Variants in WDR72 observed in about 807,000 individuals in gnomAD.
WDR72 encodes the protein WD repeat-containing protein 72.
Under a neutral mutation model 124.2 loss-of-function variants are expected in WDR72, and 120 were observed. The ratio of observed to expected loss-of-function variants is 0.97; its 90% confidence interval spans 0.83 to 1.12. The LOEUF is 1.12. Ranked by LOEUF, WDR72 falls within the 50% of genes most tolerant of loss-of-function variation. The probability of loss-of-function intolerance (pLI) is 0.00; values close to 1 mark genes in which losing one functional copy is unlikely to be tolerated. For missense variants in WDR72, 1,387 were observed against 1,278.8 expected, an observed-to-expected ratio of 1.08 and a Z score of -1.29; for synonymous variants, 452 against 441.7, an observed-to-expected ratio of 1.02 and a Z score of -0.29.
At chr15:53,740,608 T>C (rs1224649759) in intron 1 of WDR72, among the ~76,000 whole-genome samples, 1 of 152,254 alleles carries the variant, frequency 6.6e-6, no homozygotes, top group Non-Finnish European at 1.5e-5. Flanking sequence ...TTGATGCTTC[T>C]TCCTTCTACA....
chr15:53,597,358 T>C, intron 17 of WDR72, 84 bp from the exon 18 acceptor site: 4 of 1,387,182 alleles, frequency 2.9e-6, no homozygotes, highest in Non-Finnish European at 4.0e-6. Flanking sequence ...AGCCCGGAAT[T>C]TAAATTTGAA....
At chr15:53,677,466 A>ACTCAAAT (rs2016215080) in intron 13 of WDR72, among the ~76,000 whole-genome samples, 1 of 152,064 alleles carries the variant, frequency 6.6e-6, no homozygotes, top group Admixed American at 6.5e-5. Flanking sequence ...CTCTGTCCCC[A>ACTCAAAT]CTCAAATCTC....
At chr15:53,608,027 G>A (rs528531212) in intron 17 of WDR72, among the ~76,000 whole-genome samples, 53 of 152,230 alleles carry the variant, frequency 3.5e-4, no homozygotes, top group Middle Eastern at 3.4e-3. Context: ...GTGAGGATGT[G>A]GAGAAAAGAA....
rs1011012566 is a variant in WDR72, at chr15:53,516,036, G to A, written c.*1663C>T. On this transcript the variant is annotated 3_prime_UTR_variant, in exon 20 of 20. Transcript: ENST00000360509. ...AACAAGCAAGAAAATATAATCCATC[G>A]CCTAACTTGCTACCTTCCTTTATTT... is the stretch of plus-strand genomic sequence containing the variant. 7.2e-5 allele frequency: 11 copies of A among 151,908 alleles called. No individual in the cohort carries two copies. The highest frequency in any genetic ancestry group is 2.2e-4 in the African/African-American group (9 of 41,346). 9.4% of individuals were successfully genotyped at this position (151,908 alleles called of 1,614,324 possible). A position where few individuals can be genotyped will look rare whatever the true frequency, so the allele number is the denominator to read the frequency against.
chr15:53,675,036 T>C (rs759860761), intron 13 of WDR72, among the ~76,000 whole-genome samples: 7 of 152,182 alleles, frequency 4.6e-5, no homozygotes, highest in Non-Finnish European at 1.0e-4. Context: ...CATTTTAAAC[T>C]AGGGTTTTCT....
Position 53,691,600 on chromosome 15 carries a change from T to TAGAC in WDR72, c.1765+8146_1765+8149dup, listed in dbSNP as rs140193304. Among the ~76,000 whole-genome samples, 651 of 137,436 alleles carry TAGAC rather than the reference T, an allele frequency of 4.7e-3. 5 individuals are homozygous for TAGAC. The highest frequency in any genetic ancestry group is 0.011 in the South Asian group (46 of 4,288). The allele number at this position is 137,436 out of a possible 152,430, so 90.2% of individuals were successfully genotyped here. Reference sequence around the variant, plus strand: ...TTATTACAGCAAACATGTAAAATGATAGACAGACAGACAGACAGACAGATA... The same window carrying TAGAC: ...TTATTACAGCAAACATGTAAAATGATAGACAGACAGACAGACAGACAGACAGATA... On this transcript the variant is annotated intron_variant, in intron 13 of 19. Transcript: ENST00000360509.
chr15:53,518,932 A>G (rs1246733534), intron 19 of WDR72, among the ~76,000 whole-genome samples: 2 of 151,968 alleles, frequency 1.3e-5, no homozygotes, highest in African/African-American at 4.8e-5. Flanking sequence ...AAAATGTTCT[A>G]TTAATGGCAG....
At chr15:53,554,262 T>C (rs1008691834) in intron 18 of WDR72, among the ~76,000 whole-genome samples, 2 of 152,140 alleles carry the variant, frequency 1.3e-5, no homozygotes, top group African/African-American at 2.4e-5. Context: ...TTGTCTCTAC[T>C]TGTAGTAATA....
At position 53,516,420 on chromosome 15, in the gene WDR72, C is replaced by G. The variant is rs3206108; in HGVS notation, c.*1279G>C. ...CTGCATCCCAGCATAAGACCTGAGG[C>G]TGGTCCCATGCTCAAAAATGTTTCT... On this transcript the variant is annotated 3_prime_UTR_variant, in exon 20 of 20. Transcript: ENST00000360509. 25,806 of 152,032 alleles carry G rather than the reference C, an allele frequency of 0.17. 2,500 individuals carry two copies. Among genetic ancestry groups the G allele is most frequent in the Middle Eastern group, 0.23 (69 of 294 alleles). 9.4% of individuals were successfully genotyped at this position (152,032 alleles called of 1,614,324 possible).
At chr15:53,560,186 T>C (rs1894078550) in intron 18 of WDR72, among the ~76,000 whole-genome samples, 1 of 151,796 alleles carries the variant, frequency 6.6e-6, no homozygotes, top group Non-Finnish European at 1.5e-5. Context: ...TTCTGCAAAA[T>C]AAAGTGAAGG....
chr15:53,597,703 A>G (rs891097741), intron 17 of WDR72, among the ~76,000 whole-genome samples: 1 of 152,156 alleles, frequency 6.6e-6, no homozygotes, highest in Non-Finnish European at 1.5e-5. Flanking sequence ...CTGCATTTAA[A>G]CTATGCTTTA....
At chr15:53,631,227 G>A (rs112699933) in intron 14 of WDR72, among the ~76,000 whole-genome samples, 2,056 of 152,192 alleles carry the variant, frequency 0.014, 47 homozygotes, top group African/African-American at 0.047. Flanking sequence ...TATAAAAAGT[G>A]TGTGGCATTC....
At chr15:53,639,539 T>C (rs56195724) in intron 14 of WDR72, among the ~76,000 whole-genome samples, 11,516 of 142,716 alleles carry the variant, frequency 0.081, 1,499 homozygotes, top group African/African-American at 0.27. Flanking sequence ...TAAAATTATA[T>C]ATAATTTTAT....
intron 18 of WDR72, among the ~76,000 whole-genome samples, chr15:53,533,975 C>T (rs1287527507): frequency 6.6e-6 from 1 of 151,992 alleles, no homozygotes; most frequent in Admixed American, 6.6e-5. Flanking sequence ...TTCTGACTAC[C>T]CCACTGGGGT....
At chr15:53,718,835 A>ACCTTAAGAT (rs58570472) in intron 3 of WDR72, among the ~76,000 whole-genome samples, 1 of 150,582 alleles carries the variant, frequency 6.6e-6, no homozygotes, top group African/African-American at 2.5e-5. Flanking sequence ...AATTTTAAAA[A>ACCTTAAGAT]TCTTAAGAAT....
Position 53,676,111 on chromosome 15 carries a change from C to G in WDR72, c.1766-10343G>C, listed in dbSNP as rs1301684365. Among the ~76,000 whole-genome samples the G allele has an allele frequency of 2.0e-5, 3 of 152,118 alleles. 1 individual carries two copies. Among genetic ancestry groups the G allele is most frequent in the Non-Finnish European group, 4.4e-5 (3 of 68,012 alleles). On this transcript the variant is annotated intron_variant, in intron 13 of 19. Transcript: ENST00000360509. ...ACCATATTACCACACCCAGTGACCT[C>G]AAAAGGCTCTCTCATCTCTTCACAC...
chr15:53,523,180 T>A (rs1891892919), intron 19 of WDR72, 38 bp downstream of exon 19: 1 of 1,598,154 alleles, frequency 6.3e-7, no homozygotes, highest in Non-Finnish European at 8.6e-7. Context: ...GTGTCAAATT[T>A]ATCATTTTAT....
chr15:53,538,175 G>A (rs1892863518), intron 18 of WDR72, among the ~76,000 whole-genome samples: 1 of 152,066 alleles, frequency 6.6e-6, no homozygotes, highest in African/African-American at 2.4e-5. Flanking sequence ...ATATATATTA[G>A]CCTTTTAGAG....
At chr15:53,665,363 A>C (rs1244927520) in intron 14 of WDR72, among the ~76,000 whole-genome samples, 1 of 152,230 alleles carries the variant, frequency 6.6e-6, no homozygotes, top group East Asian at 1.9e-4. Flanking sequence ...TTGATAAGCC[A>C]GAACCTATTT....
Sources: gnomAD v4.1 joint callset for allele counts (sites outside exome capture counted in the v4.1 genomes callset) on GRCh38, gnomAD v4.1.1 for gene constraint, MANE v1.5 for transcripts, NCBI Gene and HGNC (gene_info 2026-07-23, HGNC 2026-07-21) for gene names.